The following DYM variants were observed in gnomAD, a reference collection of about 807,000 sequenced individuals.
The protein encoded by DYM is dyggve-Melchior-Clausen syndrome protein.
DYM carries 78 observed loss-of-function variants against 93.1 expected under a neutral mutation model. The ratio of observed to expected loss-of-function variants is 0.84; its 90% CI spans 0.70 to 1.01. The LOEUF (loss-of-function observed/expected upper bound fraction) is 1.01. Ranked by LOEUF, DYM falls within the 50% of genes least tolerant of loss-of-function variation. The probability of loss-of-function intolerance (pLI) is 0.00; values close to 1 mark genes in which losing one functional copy is unlikely to be tolerated. For missense variants in DYM, 789 were observed against 845.0 expected (o/e 0.93, Z 0.82); for synonymous variants, 321 against 319.7 (o/e 1.00, Z -0.04).
At chr18:49,306,727 T>C (rs1431030095) in intron 8 of DYM, among the ~76,000 whole-genome samples, 1 of 152,330 alleles carries the variant, frequency 6.6e-6, no homozygotes, top group East Asian at 1.9e-4. Context: ...ATTTATTTTC[T>C]TCCACTCTAA....
intron 8 of DYM, among the ~76,000 whole-genome samples, chr18:49,295,823 T>C (rs1179760701): frequency 6.6e-6 from 1 of 152,004 alleles, no homozygotes; most frequent in East Asian, 1.9e-4. Context: ...TAGATTTACA[T>C]GCTTTGCTAA....
rs1458250849 is a variant in DYM at position 49,041,699 on chromosome 18, G to A, written c.*2356C>T. ...TTCTACTGTGTGATGAATGAGAAAAGGGAAAGAGGGGAGGGCAATCAGGGT... is the reference window on the plus strand; with the variant it reads ...TTCTACTGTGTGATGAATGAGAAAAAGGAAAGAGGGGAGGGCAATCAGGGT... On this transcript the variant is annotated 3_prime_UTR_variant, in exon 18 of 18. Coordinates refer to ENST00000675505, the MANE Select transcript of DYM (RefSeq NM_001353214.3). 1 of 152,268 alleles carries A rather than the reference G, an allele frequency of 6.6e-6. No homozygotes were observed. Among genetic ancestry groups the A allele is most frequent in the Non-Finnish European group, 1.5e-5 (1 of 68,088 alleles). The allele number at this position is 152,268 out of a possible 1,614,324, so 9.4% of individuals were successfully genotyped here. A position where few individuals can be genotyped will look rare whatever the true frequency, so the allele number is the denominator to read the frequency against.
intron 13 of DYM, among the ~76,000 whole-genome samples, chr18:49,227,663 T>G (rs1021084547): frequency 6.6e-6 from 1 of 152,108 alleles, no homozygotes; most frequent in African/African-American, 2.4e-5. Context: ...CACAGGAATG[T>G]AGTCATCAGA....
chr18:49,289,712 AATATATATATATGTGTATATATAT>A (rs2059912904), intron 8 of DYM, among the ~76,000 whole-genome samples: 1 of 112,706 alleles, frequency 8.9e-6, no homozygotes, highest in African/African-American at 3.5e-5. Flanking sequence ...CCCTATCTCA[AATATATATATATGTGTATATATAT>A]ATATATATAT....
At chr18:49,213,155 T>C (rs1181116726) in intron 13 of DYM, among the ~76,000 whole-genome samples, 3 of 152,164 alleles carry the variant, frequency 2.0e-5, no homozygotes, top group African/African-American at 7.2e-5. Context: ...TAGAACAACA[T>C]TCAAGTCTGT....
intron 14 of DYM, among the ~76,000 whole-genome samples, chr18:49,200,122 G>A (rs896522132): frequency 6.6e-6 from 1 of 152,000 alleles, no homozygotes. Context: ...TTAATAAAGT[G>A]GCATTGCATT....
At position 49,224,378 on chromosome 18, in the gene DYM, G is replaced by A. The variant is rs565696946; in HGVS notation, c.1461-14663C>T. On this transcript the variant is annotated intron_variant, in intron 13 of 17. Transcript: ENST00000675505. ...TAGGGCTAGCTAAATGTATGTTTGT[G>A]AGTCATCGGTGTAAGGATGGGAGTG... 5.3e-5 allele frequency among the ~76,000 whole-genome samples: 8 copies of A among 152,172 alleles called. No individual in the cohort carries two copies. The East Asian group carries it at 1.5e-3, about 29-fold the overall frequency.
chr18:49,322,502 AAAAAT>A (rs1466872289), intron 8 of DYM, among the ~76,000 whole-genome samples: 5 of 152,224 alleles, frequency 3.3e-5, no homozygotes, highest in South Asian at 2.1e-4. Flanking sequence ...TCAAATGAAA[AAAAAT>A]AAAATAAAAT....
chr18:49,054,901 G>A (rs980711934), intron 17 of DYM, among the ~76,000 whole-genome samples: 26 of 152,182 alleles, frequency 1.7e-4, no homozygotes, highest in Admixed American at 1.0e-3. Context: ...CCCCATGCTC[G>A]GGACAAGCTC....
At chr18:49,425,827 A>G (rs1228280177) in intron 2 of DYM, among the ~76,000 whole-genome samples, 1 of 152,246 alleles carries the variant, frequency 6.6e-6, no homozygotes, top group African/African-American at 2.4e-5. Context: ...AGAGAAATGC[A>G]AATCAAAACC....
At chr18:49,418,345 G>A (rs974814164) in intron 2 of DYM, among the ~76,000 whole-genome samples, 2 of 151,940 alleles carry the variant, frequency 1.3e-5, no homozygotes, top group African/African-American at 2.4e-5. Flanking sequence ...CATATAAGTA[G>A]TTTAAAATAT....
chr18:49,414,874 T>C (rs980768266), intron 2 of DYM, among the ~76,000 whole-genome samples: 1 of 152,196 alleles, frequency 6.6e-6, no homozygotes, highest in African/African-American at 2.4e-5. Flanking sequence ...TAGTAACATA[T>C]AAACTGCATG....
In DYM at chr18:49,119,986, G is replaced by C. The variant is rs746818567; in HGVS notation, c.1729-1060C>G. Among the ~76,000 whole-genome samples, 4 of 151,502 alleles carry C rather than the reference G, an allele frequency of 2.6e-5. No individual in the cohort carries two copies. In the South Asian group the frequency reaches 8.3e-4, roughly 32 times the overall value. On this transcript the variant is annotated intron_variant, in intron 15 of 17. Transcript: ENST00000675505. ...CTCAGCTACTTGGGAGGCTGAGGGG[G>C]GAGGATGGCTTAAGCCTGAGAGGTG...
At chr18:49,457,876 A>G (rs1007647136) in intron 1 of DYM, among the ~76,000 whole-genome samples, 11 of 152,208 alleles carry the variant, frequency 7.2e-5, no homozygotes, top group African/African-American at 2.7e-4. Context: ...TGGAAGTATG[A>G]TCAGAGAGAT....
At chr18:49,245,551 G>T (rs2094145071) in intron 13 of DYM, among the ~76,000 whole-genome samples, 1 of 152,160 alleles carries the variant, frequency 6.6e-6, no homozygotes, top group African/African-American at 2.4e-5. Context: ...GTACCCTCAG[G>T]CTTACTAGCA....
At chr18:49,070,086 A>G (rs192214541) in intron 17 of DYM, among the ~76,000 whole-genome samples, 47 of 152,274 alleles carry the variant, frequency 3.1e-4, no homozygotes, top group African/African-American at 1.1e-3. Flanking sequence ...AGCAAAGAGT[A>G]TGGCTGTGAG....
chr18:49,172,035 T>G (rs1205425901), intron 14 of DYM, among the ~76,000 whole-genome samples: 1 of 152,102 alleles, frequency 6.6e-6, no homozygotes, highest in Non-Finnish European at 1.5e-5. Flanking sequence ...CCTGCTCCAA[T>G]ACCCTTCCCC....
rs543674303 is a variant in DYM, at chr18:49,042,042, A to T, written c.*2013T>A. 2 of 152,268 alleles carry T rather than the reference A, an allele frequency of 1.3e-5. No homozygotes were observed. Among genetic ancestry groups the T allele is most frequent in the South Asian group, 2.1e-4 (1 of 4,832 alleles). The allele number at this position is 152,268 out of a possible 1,614,324, so 9.4% of individuals were successfully genotyped here. A position where few individuals can be genotyped will look rare whatever the true frequency, so the allele number is the denominator to read the frequency against. On this transcript the variant is annotated 3_prime_UTR_variant, in exon 18 of 18. Coordinates refer to ENST00000675505, the MANE Select transcript of DYM (RefSeq NM_001353214.3). ...GCTTTGGAAACAAATTAAAGTTGCA[A>T]ATTATTTCCCCACATAGTAAATACA... is the stretch of plus-strand genomic sequence containing the variant.
intron 15 of DYM, among the ~76,000 whole-genome samples, chr18:49,136,964 A>G (rs1458222802): frequency 6.6e-6 from 1 of 152,242 alleles, no homozygotes; most frequent in Non-Finnish European, 1.5e-5. Context: ...CTATAACAAG[A>G]AAACATTGAG....
Sources: gnomAD v4.1 joint callset for allele counts (sites outside exome capture counted in the v4.1 genomes callset) on GRCh38, gnomAD v4.1.1 for gene constraint, MANE v1.5 for transcripts, NCBI Gene and HGNC (gene_info 2026-07-23, HGNC 2026-07-21) for gene names.